Variants in NFATC1 observed in about 807,000 individuals in gnomAD.
NFATC1 encodes nuclear factor of activated T-cells, cytoplasmic 1.
Under a neutral mutation model 76.0 loss-of-function variants are expected in NFATC1, and 22 were observed. The observed-to-expected ratio is 0.29, with a 90% CI of 0.21 to 0.41. The LOEUF (loss-of-function observed/expected upper bound fraction) is 0.41, where lower values mean the gene tolerates loss of function less well. Among genes scored for constraint, NFATC1 ranks in the 10% least tolerant of loss-of-function variants. The probability of loss-of-function intolerance (pLI) is 1.00; values close to 1 mark genes in which losing one functional copy is unlikely to be tolerated. For synonymous variants in NFATC1, 704 were observed against 613.1 expected, an observed-to-expected ratio of 1.15 and a Z score of -2.19; for missense variants, 1,357 against 1,337.7, an observed-to-expected ratio of 1.01 and a Z score of -0.23.
chr18:79,475,746 G>T (rs1463039899), intron 8 of NFATC1, among the ~76,000 whole-genome samples: 1 of 152,220 alleles, frequency 6.6e-6, no homozygotes, highest in East Asian at 1.9e-4. Context: ...CAGAAGAAGG[G>T]CTCCAATTGA....
In NFATC1 at chr18:79,410,093, G is replaced by A. The variant is rs910122995; in HGVS notation, c.128-310G>A. ...TTGGGGAAGGTGGTTTTTGAATGAA[G>A]AGCGGAACCCGTGAGGACCCGGCCG... On this transcript the variant is annotated intron_variant, in intron 1 of 9. Transcript: ENST00000427363. The surrounding 1 kb of genome is among the most constrained non-coding windows in gnomAD (Gnocchi z 6.7). 1 of 699,526 alleles carries A rather than the reference G, an allele frequency of 1.4e-6. No individual in the cohort carries two copies. Among genetic ancestry groups the A allele is most frequent in the African/African-American group, 1.7e-5 (1 of 57,730 alleles). 43.3% of individuals were successfully genotyped at this position (699,526 alleles called of 1,614,324 possible).
intron 9 of NFATC1, among the ~76,000 whole-genome samples, chr18:79,492,724 A>AATCCAGCTTTTTTTTTTTT (rs1211380652): frequency 6.7e-6 from 1 of 149,534 alleles, no homozygotes. Context: ...AAAAAAAAAG[A>AATCCAGCTTTTTTTTTTTT]TTAGCTGGGC....
intron 8 of NFATC1, among the ~76,000 whole-genome samples, chr18:79,477,119 T>C (rs946991001): frequency 6.6e-6 from 1 of 152,158 alleles, no homozygotes; most frequent in African/African-American, 2.4e-5. Flanking sequence ...CCTCGAGGGA[T>C]GGGTGATAAG....
Position 79,396,122 on chromosome 18 carries a change from CG to C in NFATC1, c.-99del. 8.2e-7 allele frequency: 1 copy of C among 1,220,262 alleles called. No individual in the cohort carries two copies. Among genetic ancestry groups the C allele is most frequent in the Non-Finnish European group, 1.0e-6 (1 of 967,910 alleles). The allele number at this position is 1,220,262 out of a possible 1,614,324, so 75.6% of individuals were successfully genotyped here. A position where few individuals can be genotyped will look rare whatever the true frequency, so the allele number is the denominator to read the frequency against. ...CCTCCGGGGCGCGCGGCGCTGAGCCCGGGGCGAGGGCTGTCTTCCCGGAGAC... is the reference window on the plus strand; with the variant it reads ...CCTCCGGGGCGCGCGGCGCTGAGCCCGGGCGAGGGCTGTCTTCCCGGAGAC... On this transcript the variant is annotated 5_prime_UTR_variant, in exon 1 of 10. Coordinates refer to ENST00000427363, the MANE Select transcript of NFATC1 (RefSeq NM_001278669.2).
At position 79,411,394 on chromosome 18, in the gene NFATC1, T is replaced by C; in HGVS notation, c.1119T>C (p.Ser373=). 3.2e-6 allele frequency: 5 copies of C among 1,574,698 alleles called. No individual in the cohort carries two copies. The highest frequency in any genetic ancestry group is 4.3e-6 in the Non-Finnish European group (5 of 1,162,894). Residue 373 remains serine, a synonymous_variant, in exon 2 of 10, where the codon TCT becomes TCC. Transcript: ENST00000427363. ...PADFAPEDYS[S]FQHIRKGGFC... is the part of the protein sequence containing the mutation. Reference sequence around the variant, plus strand: ...ACTTCGCGCCCGAAGACTACTCCTCTTTCCAGCACATCAGGAAGGGCGGCT... The same window carrying C: ...ACTTCGCGCCCGAAGACTACTCCTCCTTCCAGCACATCAGGAAGGGCGGCT...
At position 79,478,339 on chromosome 18, in the gene NFATC1, G is replaced by A. The variant is rs927216269; in HGVS notation, c.2093-7909G>A. Among the ~76,000 whole-genome samples, 7 of 152,034 alleles carry A rather than the reference G, an allele frequency of 4.6e-5. 1 individual carries two copies. Among genetic ancestry groups the A allele is most frequent in the Admixed American group, 2.6e-4 (4 of 15,266 alleles). ...GCCGTGAAGACCCCAGCTGTCCCCC[G>A]GGAGCCAGGCCACACCAAGGCAGCC... is the stretch of plus-strand genomic sequence containing the variant. On this transcript the variant is annotated intron_variant, in intron 8 of 9. Coordinates refer to ENST00000427363, the MANE Select transcript of NFATC1 (RefSeq NM_001278669.2).
chr18:79,500,348 A>G (rs1334319487), intron 9 of NFATC1, among the ~76,000 whole-genome samples: 1 of 152,112 alleles, frequency 6.6e-6, no homozygotes, highest in African/African-American at 2.4e-5. Context: ...ACTAAATGCA[A>G]ATGAAAACAC....
chr18:79,472,374 G>A (rs1332388388), intron 8 of NFATC1, among the ~76,000 whole-genome samples: 5 of 152,186 alleles, frequency 3.3e-5, no homozygotes, highest in South Asian at 4.1e-4. Context: ...CCTGATTGCA[G>A]ACAAGCAGTT....
intron 9 of NFATC1, among the ~76,000 whole-genome samples, chr18:79,498,564 A>G (rs557722741): frequency 2.8e-4 from 43 of 152,372 alleles, no homozygotes; most frequent in African/African-American, 9.6e-4. Context: ...ACACATATAC[A>G]CATGCATAAT....
At chr18:79,455,085 G>A (rs115523953) in intron 6 of NFATC1, among the ~76,000 whole-genome samples, 151 of 152,346 alleles carry the variant, frequency 9.9e-4, no homozygotes, top group African/African-American at 3.3e-3. Context: ...GACAGAAGGC[G>A]CAAGGTTCTG....
chr18:79,418,521 C>T (rs921933581), intron 2 of NFATC1, among the ~76,000 whole-genome samples: 8 of 152,212 alleles, frequency 5.3e-5, no homozygotes, highest in African/African-American at 1.9e-4. Context: ...GCTCTCGTCA[C>T]CAAGATGTGG....
At chr18:79,458,246 C>T (rs1275477638) in intron 6 of NFATC1, among the ~76,000 whole-genome samples, 1 of 151,490 alleles carries the variant, frequency 6.6e-6, no homozygotes, top group Non-Finnish European at 1.5e-5. Context: ...GATGAGACGC[C>T]CCAGGGACGC....
intron 8 of NFATC1, 85 bp downstream of exon 8, chr18:79,467,667 AG>A: frequency 6.3e-7 from 1 of 1,585,032 alleles, no homozygotes; most frequent in Non-Finnish European, 8.6e-7. Context: ...GTCGCCGTAA[AG>A]CAGCGTGGCG....
At chr18:79,403,630 T>C (rs756119548) in intron 1 of NFATC1, among the ~76,000 whole-genome samples, 1 of 152,280 alleles carries the variant, frequency 6.6e-6, no homozygotes, top group Non-Finnish European at 1.5e-5. Flanking sequence ...GTGTTTGGGC[T>C]GGAGCCTCTC....
At chr18:79,451,555 C>A in intron 5 of NFATC1, 121 bp from the exon 6 acceptor site, 1 of 1,147,068 alleles carries the variant, frequency 8.7e-7, no homozygotes, top group Non-Finnish European at 1.2e-6. Context: ...GGTCGGCCCG[C>A]AGGTCGTGGC....
intron 6 of NFATC1, among the ~76,000 whole-genome samples, chr18:79,454,079 G>A (rs2087587701): frequency 6.6e-6 from 1 of 152,224 alleles, no homozygotes; most frequent in Non-Finnish European, 1.5e-5. Context: ...GTTTTAGACT[G>A]CTCTTGCAGA....
At chr18:79,434,351 G>T (rs1219900627) in intron 3 of NFATC1, among the ~76,000 whole-genome samples, 2 of 152,232 alleles carry the variant, frequency 1.3e-5, no homozygotes, top group Non-Finnish European at 1.5e-5. Context: ...CTCACACCTT[G>T]CGGGAAAGCC....
In NFATC1 at chr18:79,410,514, T is replaced by C. The variant is rs2085630539; in HGVS notation, c.239T>C (p.Ile80Thr). The C allele has an allele frequency of 1.9e-6, 3 of 1,611,558 alleles. No homozygotes were observed. The highest frequency in any genetic ancestry group is 2.5e-6 in the Non-Finnish European group (3 of 1,179,944). Residue 80 changes from isoleucine to threonine, a missense_variant, in exon 2 of 10, where the codon ATC becomes ACC. By Grantham distance (89) the Ile-to-Thr change is moderately conservative (BLOSUM62 -1). Transcript: ENST00000427363. This position sits in a 1 kb window ranked among gnomAD's most constrained non-coding sequence, Gnocchi z 6.7. Reference protein sequence around the residue: ...HNLQTSTPGIIPPADHPSGYG... With the variant: ...HNLQTSTPGITPPADHPSGYG... The stretch of plus-strand genomic sequence containing the variant: ...CTTCAGACCTCCACACCGGGCATCA[T>C]CCCGCCGGCGGATCACCCCTCGGGG...
At chr18:79,431,763 C>T (rs892746181) in intron 2 of NFATC1, among the ~76,000 whole-genome samples, 40 of 151,730 alleles carry the variant, frequency 2.6e-4, no homozygotes, top group African/African-American at 8.7e-4. Context: ...AGTGCAGTGG[C>T]GCGATCTCGG....
Sources: gnomAD v4.1 joint callset for allele counts (sites outside exome capture counted in the v4.1 genomes callset) on GRCh38, gnomAD v4.1.1 for gene constraint, Gnocchi (gnomAD v3.1) non-coding constraint, MANE v1.5 for transcripts, NCBI Gene and HGNC (gene_info 2026-07-23, HGNC 2026-07-21) for gene names.